The following VSTM4 variants were observed in gnomAD, a reference collection of about 807,000 sequenced individuals.
The protein encoded by VSTM4 is V-set and transmembrane domain containing 4.
In VSTM4, 20 loss-of-function variants were observed where a neutral mutation model predicts 36.4. That is an observed-to-expected ratio of 0.55 (90% CI 0.39 to 0.80). The LOEUF is 0.80. VSTM4 is among the 30% of genes least tolerant of loss of function. VSTM4 has a pLI of 0.00. For synonymous variants in VSTM4, 182 were observed against 173.9 expected (o/e 1.05, Z -0.37); for missense variants, 392 against 404.5 (o/e 0.97, Z 0.26).
At chr10:49,040,187 C>A (rs187671573) in intron 7 of VSTM4, among the ~76,000 whole-genome samples, 1 of 152,176 alleles carries the variant, frequency 6.6e-6, no homozygotes, top group African/African-American at 2.4e-5. Context: ...ATTAGCAGAA[C>A]TTTGAAAGCA....
At chr10:49,064,678 GA>G in intron 5 of VSTM4, 24 bp downstream of exon 5, 2 of 1,601,506 alleles carry the variant, frequency 1.2e-6, no homozygotes, top group Admixed American at 3.6e-5. Flanking sequence ...AGTTTCATCT[GA>G]AAAAAGGAAG....
Position 49,017,947 on chromosome 10 carries a change from C to T in VSTM4, c.*1703G>A, listed in dbSNP as rs553446064. The stretch of plus-strand genomic sequence containing the variant: ...AGTTCTTCCAAATGGTTCTTTCTTC[C>T]TCAAAAGCTGCATGGTTTATTCAGT... On this transcript the variant is annotated 3_prime_UTR_variant, in exon 8 of 8. Coordinates refer to ENST00000332853, the MANE Select transcript of VSTM4 (RefSeq NM_001031746.5). 6.6e-6 allele frequency: 1 copy of T among 152,298 alleles called. No individual in the cohort carries two copies. 9.4% of individuals were successfully genotyped at this position (152,298 alleles called of 1,614,324 possible).
chr10:49,062,956 TTTTC>T (rs899513297), intron 5 of VSTM4, among the ~76,000 whole-genome samples: 1 of 152,216 alleles, frequency 6.6e-6, no homozygotes, highest in African/African-American at 2.4e-5. Context: ...ATGTTTGTTT[TTTTC>T]TTTATTGGCT....
chr10:49,064,320 C>G lies in VSTM4; in HGVS notation c.668+383G>C, dbSNP rs530625798. The G allele has an allele frequency of 1.3e-5, 3 of 224,680 alleles. No homozygotes were observed. In the South Asian group the frequency reaches 2.3e-4, roughly 17 times the overall value. The allele number at this position is 224,680 out of a possible 1,614,324, so 13.9% of individuals were successfully genotyped here. On this transcript the variant is annotated intron_variant, in intron 5 of 7. Coordinates refer to ENST00000332853, the MANE Select transcript of VSTM4 (RefSeq NM_001031746.5). ...TTACCTATAAAGTGTGCCTCACCAG[C>G]TAAAAGCAGGGCATACAGTAAGTCA...
At chr10:49,045,495 C>T (rs1033824421) in intron 7 of VSTM4, among the ~76,000 whole-genome samples, 1 of 152,044 alleles carries the variant, frequency 6.6e-6, no homozygotes, top group African/African-American at 2.4e-5. Flanking sequence ...GATTAGTGGG[C>T]AAAAGTTCAA....
At chr10:49,046,487 G>A (rs1377131545) in intron 7 of VSTM4, among the ~76,000 whole-genome samples, 2 of 152,180 alleles carry the variant, frequency 1.3e-5, no homozygotes, top group Admixed American at 6.6e-5. Context: ...GCAATGAACC[G>A]ATGTTAATTT....
At chr10:49,094,931 T>C (rs1365566611) in intron 2 of VSTM4, among the ~76,000 whole-genome samples, 1 of 152,084 alleles carries the variant, frequency 6.6e-6, no homozygotes, top group African/African-American at 2.4e-5. Flanking sequence ...AATAAAGCCA[T>C]ATATGTCAGT....
chr10:49,062,486 G>A (rs1843894955), intron 5 of VSTM4, among the ~76,000 whole-genome samples: 1 of 152,188 alleles, frequency 6.6e-6, no homozygotes, highest in Non-Finnish European at 1.5e-5. Flanking sequence ...ATTTAAAAAT[G>A]TGCCATTTCC....
At chr10:49,098,241 G>C (rs935906158) in intron 2 of VSTM4, among the ~76,000 whole-genome samples, 12 of 152,130 alleles carry the variant, frequency 7.9e-5, no homozygotes, top group African/African-American at 2.9e-4. Context: ...CACCAGCCTT[G>C]GGGCTGGGCA....
At chr10:49,098,196 T>G (rs1844607562) in intron 2 of VSTM4, among the ~76,000 whole-genome samples, 1 of 152,196 alleles carries the variant, frequency 6.6e-6, no homozygotes, top group Non-Finnish European at 1.5e-5. Context: ...GCCCCCACAG[T>G]GCTGGGCACA....
At chr10:49,112,426 G>C (rs1056940636) in intron 1 of VSTM4, among the ~76,000 whole-genome samples, 1 of 152,254 alleles carries the variant, frequency 6.6e-6, no homozygotes, top group Non-Finnish European at 1.5e-5. Context: ...ACAGAACCAG[G>C]CCGGAAACCT....
At chr10:49,088,827 C>A (rs1022229858) in intron 2 of VSTM4, among the ~76,000 whole-genome samples, 4 of 152,218 alleles carry the variant, frequency 2.6e-5, no homozygotes, top group African/African-American at 4.8e-5. Flanking sequence ...ATGAACAATA[C>A]ACATATATCT....
intron 7 of VSTM4, among the ~76,000 whole-genome samples, chr10:49,024,768 T>C (rs1843232307): frequency 6.6e-6 from 1 of 152,214 alleles, no homozygotes; most frequent in Admixed American, 6.5e-5. Flanking sequence ...GTGCACGTTC[T>C]GAATGCTTCA....
intron 3 of VSTM4, among the ~76,000 whole-genome samples, chr10:49,085,290 G>A (rs574444814): frequency 1.3e-5 from 2 of 152,352 alleles, no homozygotes; most frequent in South Asian, 2.1e-4. Flanking sequence ...AATCATCTGG[G>A]GAGCTTTTAA....
Position 49,019,628 on chromosome 10 carries a change from A to G in VSTM4, c.*22T>C. The G allele has an allele frequency of 1.9e-6, 3 of 1,587,564 alleles. No homozygotes were observed. Among genetic ancestry groups the G allele is most frequent in the Non-Finnish European group, 2.6e-6 (3 of 1,165,850 alleles). ...TCACTGGGTGGCAGGTATTAAATAG[A>G]ACCTTGGAGGTGGACGCTGTACTAC... On this transcript the variant is annotated 3_prime_UTR_variant, in exon 8 of 8. Transcript: ENST00000332853.
intron 2 of VSTM4, among the ~76,000 whole-genome samples, chr10:49,100,007 C>T (rs1844638587): frequency 6.6e-6 from 1 of 151,468 alleles, no homozygotes. Context: ...CAGAGCCAGA[C>T]TCCGTGAAAA....
At chr10:49,112,024 G>A (rs1385166246) in intron 1 of VSTM4, among the ~76,000 whole-genome samples, 1 of 152,156 alleles carries the variant, frequency 6.6e-6, no homozygotes, top group Admixed American at 6.5e-5. Context: ...ATGTTGTGAG[G>A]CAAGAGGGAC....
At chr10:49,068,398 G>T (rs1486331361) in intron 4 of VSTM4, among the ~76,000 whole-genome samples, 1 of 152,186 alleles carries the variant, frequency 6.6e-6, no homozygotes, top group African/African-American at 2.4e-5. Flanking sequence ...TTCCCCGGAG[G>T]CAGGGAGCCG....
intron 7 of VSTM4, among the ~76,000 whole-genome samples, chr10:49,045,013 C>A (rs894592396): frequency 1.3e-5 from 2 of 152,182 alleles, no homozygotes; most frequent in African/African-American, 2.4e-5. Flanking sequence ...CAATCCTATG[C>A]AGTTATGTTT....
Sources: allele counts gnomAD v4.1 joint callset (sites outside exome capture counted in the v4.1 genomes callset), GRCh38; gene constraint gnomAD v4.1.1; transcripts MANE v1.5; gene names NCBI Gene and HGNC (gene_info 2026-07-23, HGNC 2026-07-21).